EDIL3: variants seen among roughly 807,000 people sequenced by gnomAD.
EDIL3 encodes EGF-like repeat and discoidin I-like domain-containing protein 3.
EDIL3 carries 37 observed loss-of-function variants against 67.4 expected under a neutral mutation model. That is an observed-to-expected ratio of 0.55 (90% CI 0.42 to 0.72). EDIL3 has a LOEUF of 0.72. Ranked by LOEUF, EDIL3 falls within the 30% of genes least tolerant of loss-of-function variation. The pLI is 0.00. For missense variants in EDIL3, 527 were observed against 586.3 expected (o/e 0.90, Z 1.04); for synonymous variants, 195 against 196.3 (o/e 0.99, Z 0.05).
At chr5:83,990,806 A>G (rs1580268368) in intron 9 of EDIL3, among the ~76,000 whole-genome samples, 4 of 150,828 alleles carry the variant, frequency 2.7e-5, no homozygotes, top group Admixed American at 1.3e-4. Flanking sequence ...CTTGAACCCG[A>G]GAGGTGGAGG....
chr5:84,226,934 T>A (rs1321352381), intron 3 of EDIL3, among the ~76,000 whole-genome samples: 1 of 152,040 alleles, frequency 6.6e-6, no homozygotes, highest in East Asian at 1.9e-4. Flanking sequence ...TGAAAATAGA[T>A]TTAGAATAAG....
intron 9 of EDIL3, among the ~76,000 whole-genome samples, chr5:84,031,931 T>C (rs1043241093): frequency 5.3e-5 from 8 of 152,198 alleles, no homozygotes; most frequent in Non-Finnish European, 1.2e-4. Flanking sequence ...CCATGAGCCA[T>C]AATGAAGAGA....
At chr5:84,351,514 C>A (rs1025676759) in intron 1 of EDIL3, among the ~76,000 whole-genome samples, 1 of 152,060 alleles carries the variant, frequency 6.6e-6, no homozygotes, top group South Asian at 2.1e-4. Context: ...AGCTAGGTGG[C>A]CCTGAGAAAG....
intron 6 of EDIL3, among the ~76,000 whole-genome samples, chr5:84,077,036 T>C (rs866109669): frequency 1.3e-5 from 2 of 152,216 alleles, no homozygotes; most frequent in African/African-American, 2.4e-5. Flanking sequence ...AATAATAGAA[T>C]TAGTTATCAT....
At chr5:84,243,612 C>T (rs967944984) in intron 2 of EDIL3, among the ~76,000 whole-genome samples, 6 of 152,142 alleles carry the variant, frequency 3.9e-5, no homozygotes. Context: ...TATATGAACA[C>T]ATTGTATTAA....
chr5:84,283,799 A>G (rs1272992106), intron 1 of EDIL3, among the ~76,000 whole-genome samples: 1 of 152,032 alleles, frequency 6.6e-6, no homozygotes, highest in African/African-American at 2.4e-5. Context: ...TTTGCCCACC[A>G]GGTATCTTAA....
intron 3 of EDIL3, among the ~76,000 whole-genome samples, chr5:84,207,336 C>T (rs1744003571): frequency 6.6e-6 from 1 of 152,180 alleles, no homozygotes; most frequent in African/African-American, 2.4e-5. Flanking sequence ...ATCCAACTTA[C>T]AAGGGACGTG....
At chr5:84,208,691 A>T (rs1744044389) in intron 3 of EDIL3, among the ~76,000 whole-genome samples, 1 of 147,754 alleles carries the variant, frequency 6.8e-6, no homozygotes, top group Non-Finnish European at 1.5e-5. Context: ...GTCTCAAAAA[A>T]AAAAAAAAAA....
intron 3 of EDIL3, among the ~76,000 whole-genome samples, chr5:84,226,622 T>C (rs1744457233): frequency 6.6e-6 from 1 of 151,878 alleles, no homozygotes; most frequent in South Asian, 2.1e-4. Flanking sequence ...TTGTTTCCCA[T>C]TGTCTGCTTT....
At chr5:84,104,829 C>A (rs1252632430) in intron 6 of EDIL3, among the ~76,000 whole-genome samples, 4 of 151,982 alleles carry the variant, frequency 2.6e-5, no homozygotes, top group African/African-American at 9.7e-5. Context: ...GTAGGCAATA[C>A]TGGGACAAAG....
At chr5:84,215,564 TA>T (rs1744212218) in intron 3 of EDIL3, among the ~76,000 whole-genome samples, 1 of 152,206 alleles carries the variant, frequency 6.6e-6, no homozygotes, top group East Asian at 1.9e-4. Flanking sequence ...GATGGGCAGA[TA>T]TTTTTAAAAA....
intron 3 of EDIL3, among the ~76,000 whole-genome samples, chr5:84,206,694 C>T (rs937142877): frequency 6.6e-6 from 1 of 151,924 alleles, no homozygotes; most frequent in African/African-American, 2.4e-5. Flanking sequence ...AAAGTTTATC[C>T]ACCATGATCA....
chr5:84,164,583 G>A (rs1252383854), intron 4 of EDIL3, among the ~76,000 whole-genome samples: 2 of 152,042 alleles, frequency 1.3e-5, no homozygotes, highest in African/African-American at 4.8e-5. Flanking sequence ...GATCTCTGTT[G>A]CAATTCACCG....
chr5:83,957,181 C>A (rs1227315606), intron 10 of EDIL3, among the ~76,000 whole-genome samples: 3 of 151,666 alleles, frequency 2.0e-5, no homozygotes, highest in African/African-American at 7.3e-5. Flanking sequence ...AACTAATGGT[C>A]TCCATGCAAT....
At chr5:84,231,512 C>T (rs968554916) in intron 2 of EDIL3, among the ~76,000 whole-genome samples, 1 of 152,182 alleles carries the variant, frequency 6.6e-6, no homozygotes, top group Non-Finnish European at 1.5e-5. Context: ...CCAGCGGATT[C>T]GTTAATCAAG....
At chr5:84,305,806 G>A (rs1259169924) in intron 1 of EDIL3, among the ~76,000 whole-genome samples, 2 of 152,024 alleles carry the variant, frequency 1.3e-5, no homozygotes, top group African/African-American at 4.8e-5. Flanking sequence ...TTGAACCCAG[G>A]AGGCAGAGGT....
At chr5:84,116,365 T>C (rs757741191) in intron 5 of EDIL3, among the ~76,000 whole-genome samples, 35 of 152,188 alleles carry the variant, frequency 2.3e-4, no homozygotes, top group Non-Finnish European at 4.1e-4. Flanking sequence ...ATTTGAATTC[T>C]AGAGACATCT....
chr5:84,031,114 T>C (rs1269837899), intron 9 of EDIL3, among the ~76,000 whole-genome samples: 1 of 152,150 alleles, frequency 6.6e-6, no homozygotes, highest in Admixed American at 6.5e-5. Flanking sequence ...CTGGTCATAT[T>C]AGACTTGGGC....
chr5:84,362,738 A>G (rs1465047584), intron 1 of EDIL3, among the ~76,000 whole-genome samples: 1 of 152,174 alleles, frequency 6.6e-6, no homozygotes, highest in Non-Finnish European at 1.5e-5. Context: ...ATTAAAGTTA[A>G]ATCAGAAACC....
Sources: gnomAD v4.1 joint callset for allele counts (sites outside exome capture counted in the v4.1 genomes callset) on GRCh38, gnomAD v4.1.1 for gene constraint, MANE v1.5 for transcripts, NCBI Gene and HGNC (gene_info 2026-07-23, HGNC 2026-07-21) for gene names.